The following SYNE2 variants were observed in gnomAD, a reference collection of about 807,000 sequenced individuals.
SYNE2 encodes spectrin repeat containing nuclear envelope protein 2.
A neutral mutation model predicts 856.3 loss-of-function variants in SYNE2; 431 were observed. That is an observed-to-expected ratio of 0.50 (90% CI 0.47 to 0.55). The LOEUF is 0.55. Ranked by LOEUF, SYNE2 falls within the 20% of genes least tolerant of loss-of-function variation. The probability of loss-of-function intolerance (pLI) is 0.00; values close to 1 mark genes in which losing one functional copy is unlikely to be tolerated. For missense variants in SYNE2, 8,129 were observed against 8,023.2 expected, an observed-to-expected ratio of 1.01 and a Z score of -0.50; for synonymous variants, 2,923 against 2,872.3, an observed-to-expected ratio of 1.02 and a Z score of -0.56.
At chr14:63,942,230 C>G in intron 6 of SYNE2, 87 bp downstream of exon 6, 1 of 814,530 alleles carries the variant, frequency 1.2e-6, no homozygotes, top group Admixed American at 1.9e-5. Context: ...GGACTAGATT[C>G]AGTCCTGAGC....
intron 90 of SYNE2, among the ~76,000 whole-genome samples, chr14:64,166,306 A>G (rs1388405232): frequency 6.6e-6 from 1 of 152,242 alleles, no homozygotes; most frequent in Non-Finnish European, 1.5e-5. Context: ...CATATGGCCC[A>G]CAAATGCCTA....
intron 61 of SYNE2, among the ~76,000 whole-genome samples, chr14:64,096,441 T>G (rs1363362272): frequency 6.6e-6 from 1 of 152,252 alleles, no homozygotes; most frequent in East Asian, 1.9e-4. Flanking sequence ...GCCAGGGGTC[T>G]GCAGATGCTG....
At position 64,141,458 on chromosome 14, in the gene SYNE2, C is replaced by T; in HGVS notation, c.15094C>T (p.Gln5032Ter). 6.2e-7 allele frequency: 1 copy of T among 1,614,080 alleles called. No homozygotes were observed. Among genetic ancestry groups the T allele is most frequent in the Non-Finnish European group, 8.5e-7 (1 of 1,179,976 alleles). Residue 5032 changes from glutamine (Q) to a stop codon, truncating the protein, a stop_gained, in exon 81 of 116, where the codon CAG (glutamine) becomes TAG (stop). Coordinates refer to ENST00000555002, the MANE Select transcript of SYNE2 (RefSeq NM_182914.3). LOFTEE classifies it high-confidence loss of function. ...AGCTACACTGAGAGCTTCTTTAGCA[C>T]AGTTTGAACAAAAATGGACAATGCT... The part of the protein sequence containing the change: ...DTATLRASLA[Q>*]FEQKWTMLIT...
chr14:63,776,617 T>C (rs1887116524), intron 1 of SYNE2, among the ~76,000 whole-genome samples: 1 of 148,120 alleles, frequency 6.8e-6, no homozygotes, highest in Non-Finnish European at 1.5e-5. Context: ...TTTTTTTTTT[T>C]CAGACAGAGT....
At chr14:64,196,425 T>C (rs918672263) in intron 99 of SYNE2, among the ~76,000 whole-genome samples, 6 of 152,158 alleles carry the variant, frequency 3.9e-5, no homozygotes, top group Admixed American at 2.0e-4. Context: ...CAGAATTTCT[T>C]CCTCTGCAAT....
At chr14:64,003,375 T>A in intron 30 of SYNE2, 45 bp downstream of exon 30, 1 of 1,612,140 alleles carries the variant, frequency 6.2e-7, no homozygotes, top group Non-Finnish European at 8.5e-7. Flanking sequence ...CTGACATCTT[T>A]CTGTATTTTC....
At chr14:64,203,939 A>G (rs2098592840) in intron 100 of SYNE2, among the ~76,000 whole-genome samples, 1 of 152,072 alleles carries the variant, frequency 6.6e-6, no homozygotes, top group Non-Finnish European at 1.5e-5. Context: ...CTGGTCTTTA[A>G]CTTCTGGGCT....
At chr14:63,886,181 C>T (rs1272524022) in intron 1 of SYNE2, among the ~76,000 whole-genome samples, 2 of 152,198 alleles carry the variant, frequency 1.3e-5, no homozygotes, top group Non-Finnish European at 2.9e-5. Flanking sequence ...GGTGGACTCA[C>T]TACCTACAAA....
chr14:64,085,302 C>A (rs999157900), intron 57 of SYNE2, among the ~76,000 whole-genome samples: 1 of 152,164 alleles, frequency 6.6e-6, no homozygotes, highest in African/African-American at 2.4e-5. Flanking sequence ...TCTTTGTAAT[C>A]TAACCTTGGA....
chr14:63,832,846 T>C (rs567062446), intron 1 of SYNE2, among the ~76,000 whole-genome samples: 1 of 118,010 alleles, frequency 8.5e-6, no homozygotes, highest in South Asian at 2.8e-4. Flanking sequence ...CTGGGCAACA[T>C]GGCGAGAACC....
intron 99 of SYNE2, 56 bp from the exon 100 acceptor site, chr14:64,202,745 G>A (rs2098580310): frequency 6.2e-7 from 1 of 1,611,578 alleles, no homozygotes; most frequent in Non-Finnish European, 8.5e-7. Context: ...TTGGGCTTTT[G>A]TTTTCCATCA....
intron 1 of SYNE2, among the ~76,000 whole-genome samples, chr14:63,814,932 CTATCCATATATATCTATCCATATA>C (rs1566584528): frequency 1.7e-4 from 9 of 54,274 alleles, no homozygotes; most frequent in African/African-American, 2.8e-4. Context: ...ATCCATATAT[CTATCCATATATATCTATCCATATA>C]TATCCATATA....
intron 113 of SYNE2, among the ~76,000 whole-genome samples, chr14:64,223,987 C>T (rs1174315616): frequency 6.6e-6 from 1 of 152,068 alleles, no homozygotes; most frequent in African/African-American, 2.4e-5. Flanking sequence ...TCCTTGTTTA[C>T]ATTCCTTTTT....
At chr14:64,183,328 G>T (rs1200521297) in intron 96 of SYNE2, among the ~76,000 whole-genome samples, 3 of 149,568 alleles carry the variant, frequency 2.0e-5, no homozygotes, top group Admixed American at 6.6e-5. Flanking sequence ...GGGCGGCAGG[G>T]CAGAGGCGCT....
At chr14:63,859,983 T>C (rs1190879939) in intron 1 of SYNE2, among the ~76,000 whole-genome samples, 4 of 120,380 alleles carry the variant, frequency 3.3e-5, no homozygotes, top group South Asian at 3.2e-4. Context: ...CTTCCTCCCT[T>C]CCTTCCTTCG....
At chr14:63,851,107 A>G (rs1890407465), upstream of SYNE2, among the ~76,000 whole-genome samples, 1 of 152,196 alleles carries the variant, frequency 6.6e-6, no homozygotes, top group Non-Finnish European at 1.5e-5. Flanking sequence ...TCATGCCTGT[A>G]ATCCCAGCGC....
chr14:64,007,478 C>T (rs1216991723), intron 31 of SYNE2, among the ~76,000 whole-genome samples: 1 of 152,170 alleles, frequency 6.6e-6, no homozygotes, highest in African/African-American at 2.4e-5. Context: ...ATTACCATCC[C>T]AACTGGGGTG....
chr14:64,166,309 A>C (rs553153907), intron 90 of SYNE2, among the ~76,000 whole-genome samples: 8 of 152,216 alleles, frequency 5.3e-5, no homozygotes, highest in Non-Finnish European at 1.2e-4. Context: ...ATGGCCCACA[A>C]ATGCCTAAAA....
At chr14:64,198,742 AG>A (rs370440797) in intron 99 of SYNE2, among the ~76,000 whole-genome samples, 25 of 152,310 alleles carry the variant, frequency 1.6e-4, no homozygotes, top group African/African-American at 4.1e-4. Flanking sequence ...AGTGGCTCCT[AG>A]GCTGGCAGCA....
Sources: gnomAD v4.1 joint callset for allele counts (sites outside exome capture counted in the v4.1 genomes callset) on GRCh38, gnomAD v4.1.1 for gene constraint, MANE v1.5 for transcripts, NCBI Gene and HGNC (gene_info 2026-07-23, HGNC 2026-07-21) for gene names.